Variants in DTWD1 observed in about 807,000 individuals in gnomAD.
DTWD1 encodes tRNA-uridine aminocarboxypropyltransferase 1.
A neutral mutation model predicts 30.2 loss-of-function variants in DTWD1; 27 were observed. The observed-to-expected ratio is 0.90, with a 90% CI of 0.66 to 1.23. The LOEUF is 1.23. Among genes scored for constraint, DTWD1 ranks in the 50% most tolerant of loss-of-function variants. DTWD1 has a pLI of 0.00. For missense variants in DTWD1, 342 were observed against 348.8 expected (o/e 0.98, Z 0.15); for synonymous variants, 99 against 113.1 (o/e 0.88, Z 0.79).
rs748122287 is a variant in DTWD1 at position 49,632,191 on chromosome 15, A to G, written c.297A>G (p.Pro99=). The G allele has an allele frequency of 6.3e-6, 10 of 1,588,448 alleles. No individual in the cohort carries two copies. The South Asian group carries it at 1.2e-4, about 19-fold the overall frequency. ...LPLKIDIIKH[P]NETDGKSTAI... is the part of the protein sequence containing the mutation. ...TGAAGATTGACATCATTAAACATCC[A>G]AATGAAACAGATGGCAAAAGTACTG... Residue 99 remains proline, a synonymous_variant, in exon 3 of 5, where the codon CCA becomes CCG. Transcript: ENST00000403028.
At chr15:49,640,347 T>A (rs1297865076) in intron 4 of DTWD1, among the ~76,000 whole-genome samples, 2 of 152,162 alleles carry the variant, frequency 1.3e-5, no homozygotes, top group Non-Finnish European at 2.9e-5. Context: ...TTATCTGGTT[T>A]CCTGCTAATG....
Position 49,646,978 on chromosome 15 carries a change from A to G in DTWD1, c.*3400A>G, listed in dbSNP as rs1015293899. The G allele has an allele frequency of 6.6e-5, 10 of 152,164 alleles. 1 individual carries two copies. The highest frequency in any genetic ancestry group is 2.4e-4 in the African/African-American group (10 of 41,436). 9.4% of individuals were successfully genotyped at this position (152,164 alleles called of 1,614,324 possible). A position where few individuals can be genotyped will look rare whatever the true frequency, so the allele number is the denominator to read the frequency against. On this transcript the variant is annotated 3_prime_UTR_variant, in exon 5 of 5. Transcript: ENST00000403028. ...GTTACAAGTATTACATGAATAAAGAAGTTTAGTAAAGAAATTAAGGTTTAC... is the reference window on the plus strand; with the variant it reads ...GTTACAAGTATTACATGAATAAAGAGGTTTAGTAAAGAAATTAAGGTTTAC...
At chr15:49,623,919 A>G (rs1477635179) in intron 1 of DTWD1, 1 of 152,222 alleles carries the variant, frequency 6.6e-6, no homozygotes, top group African/African-American at 2.4e-5. Context: ...GTGCGTAATC[A>G]GTACACAGCA....
intron 1 of DTWD1, among the ~76,000 whole-genome samples, chr15:49,624,067 A>G (rs984250310): frequency 6.6e-6 from 1 of 151,842 alleles, no homozygotes; most frequent in African/African-American, 2.4e-5. Context: ...AAAAAGAAAA[A>G]GAAAAATTCA....
chr15:49,635,837 C>T (rs1374557321), intron 4 of DTWD1, among the ~76,000 whole-genome samples: 1 of 152,118 alleles, frequency 6.6e-6, no homozygotes, highest in African/African-American at 2.4e-5. Context: ...TAAGAATTAA[C>T]ATGTAGTAAA....
Position 49,643,681 on chromosome 15 carries a change from AC to A in DTWD1, c.*105del. 2 of 1,233,700 alleles carry A rather than the reference AC, an allele frequency of 1.6e-6. No homozygotes were observed. The highest frequency in any genetic ancestry group is 2.1e-6 in the Non-Finnish European group (2 of 931,350). 76.4% of individuals were successfully genotyped at this position (1,233,700 alleles called of 1,614,324 possible). The stretch of plus-strand genomic sequence containing the variant: ...AATAATCATATATAATGCCTGTAAG[AC>A]CATTTGAAAAAATTCCAGTTTCATA... On this transcript the variant is annotated 3_prime_UTR_variant, in exon 5 of 5. Transcript: ENST00000403028.
intron 4 of DTWD1, among the ~76,000 whole-genome samples, chr15:49,638,802 A>G (rs1317814387): frequency 3.9e-5 from 6 of 152,154 alleles, no homozygotes; most frequent in Non-Finnish European, 8.8e-5. Context: ...GTGTTCTACC[A>G]GTGTCAAAAT....
chr15:49,639,578 G>A (rs549850504), intron 4 of DTWD1, among the ~76,000 whole-genome samples: 2 of 152,138 alleles, frequency 1.3e-5, no homozygotes, highest in South Asian at 2.1e-4. Flanking sequence ...AAATGTTTAC[G>A]ATTTTTACTA....
intron 2 of DTWD1, chr15:49,626,825 C>A: frequency 2.3e-6 from 1 of 425,970 alleles, no homozygotes; most frequent in South Asian, 1.7e-5. Flanking sequence ...AGTTTACTAG[C>A]CAAGAATAAG....
rs1177530607 is a variant in DTWD1, at chr15:49,652,999, A to T, written c.*9421A>T. On this transcript the variant is annotated 3_prime_UTR_variant, in exon 5 of 5. Transcript: ENST00000403028. ...ATGCCCATGGGAAGCAAAAAATCAAAGAGTTTAAACAGAATTTTGAGAAAT... is the reference window on the plus strand; with the variant it reads ...ATGCCCATGGGAAGCAAAAAATCAATGAGTTTAAACAGAATTTTGAGAAAT... The T allele has an allele frequency of 1.3e-5, 2 of 152,136 alleles. No individual in the cohort carries two copies. The highest frequency in any genetic ancestry group is 2.9e-5 in the Non-Finnish European group (2 of 68,016). 9.4% of individuals were successfully genotyped at this position (152,136 alleles called of 1,614,324 possible).
chr15:49,645,393 G>A lies in DTWD1; in HGVS notation c.*1815G>A, dbSNP rs756256354. ...TATTATGCTATTCATAAAAAGGAATGTGGATTATATAAGGCTTGAACATTA... is the reference window on the plus strand; with the variant it reads ...TATTATGCTATTCATAAAAAGGAATATGGATTATATAAGGCTTGAACATTA... On this transcript the variant is annotated 3_prime_UTR_variant, in exon 5 of 5. Coordinates refer to ENST00000403028, the MANE Select transcript of DTWD1 (RefSeq NM_001144955.2). 2.6e-5 allele frequency: 4 copies of A among 152,138 alleles called. No homozygotes were observed. The highest frequency in any genetic ancestry group is 4.4e-5 in the Non-Finnish European group (3 of 68,026). 9.4% of individuals were successfully genotyped at this position (152,138 alleles called of 1,614,324 possible).
In DTWD1 at chr15:49,652,408, T is replaced by C. The variant is rs890322974; in HGVS notation, c.*8830T>C. 6.6e-6 allele frequency: 1 copy of C among 152,106 alleles called. No homozygotes were observed. The allele number at this position is 152,106 out of a possible 1,614,324, so 9.4% of individuals were successfully genotyped here. Reference sequence around the variant, plus strand: ...AGTAATAAATGTGGTGCCCAAGTGATAAACCTACCAAATTGAGACTAATGT... The same window carrying C: ...AGTAATAAATGTGGTGCCCAAGTGACAAACCTACCAAATTGAGACTAATGT... On this transcript the variant is annotated 3_prime_UTR_variant, in exon 5 of 5. Transcript: ENST00000403028.
intron 2 of DTWD1, chr15:49,626,874 G>A (rs192193863): frequency 6.2e-5 from 21 of 336,546 alleles, no homozygotes; most frequent in Non-Finnish European, 1.1e-4. Context: ...AGTTTGCTCC[G>A]AAAAAACAAG....
chr15:49,629,867 A>G (rs1404264053), intron 2 of DTWD1: 1 of 152,212 alleles, frequency 6.6e-6, no homozygotes, highest in Admixed American at 6.5e-5. Flanking sequence ...TGAAACCCTA[A>G]TTGAAAACTA....
rs1327113337 is a variant in DTWD1, at chr15:49,648,742, T to C, written c.*5164T>C. On this transcript the variant is annotated 3_prime_UTR_variant, in exon 5 of 5. Transcript: ENST00000403028. ...GTTTGATGGAGAAAATTCACTGACC[T>C]GTGCTGTAATGTTTATACCAGCAAT... is the stretch of plus-strand genomic sequence containing the variant. The C allele has an allele frequency of 3.9e-5, 6 of 152,236 alleles. No homozygotes were observed. The East Asian group carries it at 1.2e-3, about 29-fold the overall frequency. 9.4% of individuals were successfully genotyped at this position (152,236 alleles called of 1,614,324 possible).
Position 49,652,805 on chromosome 15 carries a change from C to CT in DTWD1, c.*9230dup, listed in dbSNP as rs1399340477. The CT allele has an allele frequency of 6.6e-6, 1 of 152,148 alleles. No homozygotes were observed. The highest frequency in any genetic ancestry group is 1.5e-5 in the Non-Finnish European group (1 of 68,034). The allele number at this position is 152,148 out of a possible 1,614,324, so 9.4% of individuals were successfully genotyped here. On this transcript the variant is annotated 3_prime_UTR_variant, in exon 5 of 5. Transcript: ENST00000403028. ...GCAAAGAGATACACTGCCTGATTCACTTTAAGAAAGGACTGACCTCCCAGT... is the reference window on the plus strand; with the variant it reads ...GCAAAGAGATACACTGCCTGATTCACTTTTAAGAAAGGACTGACCTCCCAGT...
intron 1 of DTWD1, among the ~76,000 whole-genome samples, chr15:49,623,506 C>T (rs1342459385): frequency 6.6e-6 from 1 of 151,888 alleles, no homozygotes; most frequent in Non-Finnish European, 1.5e-5. Context: ...TCAAGTAATC[C>T]TCCCACCTTA....
At chr15:49,629,239 T>A (rs963856810) in intron 2 of DTWD1, among the ~76,000 whole-genome samples, 1 of 152,250 alleles carries the variant, frequency 6.6e-6, no homozygotes, top group Non-Finnish European at 1.5e-5. Flanking sequence ...TTTTATGATG[T>A]GAGAGATCTC....
intron 1 of DTWD1, among the ~76,000 whole-genome samples, chr15:49,624,310 G>A (rs906989553): frequency 3.3e-5 from 5 of 152,144 alleles, no homozygotes; most frequent in Non-Finnish European, 7.4e-5. Context: ...GCTGTGGAAT[G>A]CATATCGAAT....
Sources: gnomAD v4.1 joint callset for allele counts (sites outside exome capture counted in the v4.1 genomes callset) on GRCh38, gnomAD v4.1.1 for gene constraint, MANE v1.5 for transcripts, NCBI Gene and HGNC (gene_info 2026-07-23, HGNC 2026-07-21) for gene names.